Variants in SMOC2 observed in about 807,000 individuals in gnomAD.
SMOC2 encodes the protein SPARC-related modular calcium-binding protein 2.
Under a neutral mutation model 61.4 loss-of-function variants are expected in SMOC2, and 39 were observed. That is an observed-to-expected ratio of 0.64 (90% CI 0.49 to 0.83). The LOEUF is 0.83. Ranked by LOEUF, SMOC2 falls within the 40% of genes least tolerant of loss-of-function variation. The pLI, the probability that SMOC2 is intolerant of heterozygous loss-of-function variation, is 0.00. For missense variants in SMOC2, 556 were observed against 592.9 expected, an observed-to-expected ratio of 0.94 and a Z score of 0.65; for synonymous variants, 247 against 239.9, an observed-to-expected ratio of 1.03 and a Z score of -0.27.
intron 9 of SMOC2, among the ~76,000 whole-genome samples, chr6:168,648,466 C>T (rs1373242443): frequency 1.3e-5 from 2 of 152,240 alleles, no homozygotes; most frequent in Non-Finnish European, 2.9e-5. Context: ...AGCTGGGGAG[C>T]TCAGCCTTCT....
intron 7 of SMOC2, among the ~76,000 whole-genome samples, chr6:168,577,799 C>T (rs991300419): frequency 2.0e-5 from 3 of 152,196 alleles, no homozygotes; most frequent in African/African-American, 7.2e-5. Context: ...GAGACAGCAA[C>T]GCATGGGGCC....
chr6:168,513,403 C>T (rs1783054153), intron 2 of SMOC2, among the ~76,000 whole-genome samples: 1 of 151,096 alleles, frequency 6.6e-6, no homozygotes, highest in Admixed American at 6.6e-5. Flanking sequence ...AGTTTTAATT[C>T]CCGTGGTGAA....
At chr6:168,559,468 TAAAAATA>T (rs1171950278) in intron 7 of SMOC2, among the ~76,000 whole-genome samples, 6 of 138,072 alleles carry the variant, frequency 4.3e-5, no homozygotes, top group Non-Finnish European at 8.2e-5. Flanking sequence ...AAAATAAAAA[TAAAAATA>T]AAAATAAAAT....
intron 1 of SMOC2, among the ~76,000 whole-genome samples, chr6:168,500,464 G>A (rs957714446): frequency 2.0e-5 from 3 of 152,258 alleles, no homozygotes; most frequent in South Asian, 2.1e-4. Flanking sequence ...GCATTCACGC[G>A]TGGAACCTGA....
At chr6:168,485,134 T>C (rs997274192) in intron 1 of SMOC2, among the ~76,000 whole-genome samples, 1 of 152,064 alleles carries the variant, frequency 6.6e-6, no homozygotes, top group Non-Finnish European at 1.5e-5. Flanking sequence ...ATACAAATAA[T>C]TGAAAAAAAT....
intron 1 of SMOC2, among the ~76,000 whole-genome samples, chr6:168,467,156 C>CAT: frequency 1.4e-5 from 2 of 138,126 alleles, no homozygotes. Flanking sequence ...CACACACACA[C>CAT]ACACACACAC....
rs1787423215 is a variant in SMOC2 at position 168,659,522 on chromosome 6, TTGGGTG to T, written c.1286-4551_1286-4546del. Among the ~76,000 whole-genome samples, 57 of 83,670 alleles carry T rather than the reference TTGGGTG, an allele frequency of 6.8e-4. 3 individuals are homozygous for T. The highest frequency in any genetic ancestry group is 1.9e-3 in the African/African-American group (39 of 20,862). The allele number at this position is 83,670 out of a possible 152,430, so 54.9% of individuals were successfully genotyped here. ...TATTGGTGAGGGTGGAGGTTGTAGG[TTGGGTG>T]AGGATGGAGGTTGTTGGCTGGGTGA... is the stretch of plus-strand genomic sequence containing the variant. On this transcript the variant is annotated intron_variant, in intron 11 of 12. Coordinates refer to ENST00000356284, the MANE Select transcript of SMOC2 (RefSeq NM_001166412.2).
intron 1 of SMOC2, among the ~76,000 whole-genome samples, chr6:168,488,001 G>A (rs928618158): frequency 6.6e-6 from 1 of 151,592 alleles, no homozygotes; most frequent in Admixed American, 6.6e-5. Flanking sequence ...AATATTTGAG[G>A]AGGAGTATTT....
At position 168,564,231 on chromosome 6, in the gene SMOC2, C is replaced by T. The variant is rs147273966; in HGVS notation, c.637+15028C>T. Among the ~76,000 whole-genome samples the T allele has an allele frequency of 2.4e-3, 369 of 152,052 alleles. 1 individual carries two copies. Among genetic ancestry groups the T allele is most frequent in the African/African-American group, 8.6e-3 (355 of 41,458 alleles). On this transcript the variant is annotated intron_variant, in intron 7 of 12. Transcript: ENST00000356284. Reference sequence around the variant, plus strand: ...GTCCTTACCAGATTTATGATTCACACGTATTTTCTTCCACTCTGAGCCGTC... The same window carrying T: ...GTCCTTACCAGATTTATGATTCACATGTATTTTCTTCCACTCTGAGCCGTC...
At chr6:168,532,473 G>A (rs1783632127) in intron 4 of SMOC2, among the ~76,000 whole-genome samples, 1 of 152,042 alleles carries the variant, frequency 6.6e-6, no homozygotes, top group Non-Finnish European at 1.5e-5. Flanking sequence ...ACATTGCTGG[G>A]GGCAGGATTA....
intron 9 of SMOC2, among the ~76,000 whole-genome samples, chr6:168,628,670 A>C (rs1044350011): frequency 3.9e-5 from 6 of 152,226 alleles, no homozygotes; most frequent in African/African-American, 1.4e-4. Context: ...CCTATTCAAC[A>C]TGGATTCTGG....
chr6:168,653,380 AAAT>A lies in SMOC2; in HGVS notation c.1285+159_1285+161del, dbSNP rs1474863433. 5 of 941,458 alleles carry A rather than the reference AAAT, an allele frequency of 5.3e-6. No individual in the cohort carries two copies. In the South Asian group the frequency reaches 7.1e-5, roughly 13 times the overall value. The allele number at this position is 941,458 out of a possible 1,614,324, so 58.3% of individuals were successfully genotyped here. A position where few individuals can be genotyped will look rare whatever the true frequency, so the allele number is the denominator to read the frequency against. On this transcript the variant is annotated intron_variant, in intron 11 of 12. Coordinates refer to ENST00000356284, the MANE Select transcript of SMOC2 (RefSeq NM_001166412.2). The stretch of plus-strand genomic sequence containing the variant: ...TTAATTGTTGGGCGTCTGTTTGCAG[AAAT>A]AATAATGATAATTGGCGACTCATCA...
At chr6:168,511,747 G>C (rs1783013118) in intron 2 of SMOC2, among the ~76,000 whole-genome samples, 1 of 150,950 alleles carries the variant, frequency 6.6e-6, no homozygotes, top group Non-Finnish European at 1.5e-5. Flanking sequence ...GGATTTAAAG[G>C]CCAGACTCCT....
chr6:168,530,637 A>ACCCCCCCCCCCCCCCCCCCCCCCC (rs3064057), intron 4 of SMOC2, among the ~76,000 whole-genome samples: 2 of 120,190 alleles, frequency 1.7e-5, no homozygotes, highest in African/African-American at 8.2e-5. Flanking sequence ...TCACGGTGCA[A>ACCCCCCCCCCCCCCCCCCCCCCCC]CCCCCCCCCC....
intron 2 of SMOC2, among the ~76,000 whole-genome samples, chr6:168,514,506 A>G (rs114881130): frequency 6.6e-6 from 1 of 152,234 alleles, no homozygotes; most frequent in Non-Finnish European, 1.5e-5. Context: ...TGTCTGACCG[A>G]CGTGTGTGAG....
chr6:168,463,590 A>G (rs1463616326), intron 1 of SMOC2, among the ~76,000 whole-genome samples: 5 of 152,170 alleles, frequency 3.3e-5, no homozygotes, highest in Admixed American at 6.5e-5. Context: ...TGAGAAAATG[A>G]AGTGAGACCT....
At chr6:168,641,238 C>T (rs1292889108) in intron 9 of SMOC2, among the ~76,000 whole-genome samples, 1 of 152,108 alleles carries the variant, frequency 6.6e-6, no homozygotes, top group Non-Finnish European at 1.5e-5. Context: ...ATGCTCGCTC[C>T]TCCCCGGATG....
Position 168,656,944 on chromosome 6 carries a change from C to T in SMOC2, c.1285+3716C>T, listed in dbSNP as rs138587991. On this transcript the variant is annotated intron_variant, in intron 11 of 12. Coordinates refer to ENST00000356284, the MANE Select transcript of SMOC2 (RefSeq NM_001166412.2). ...CAGGAGGCTGCCCCCTGTGCTGGCC[C>T]GGCCATCCGATGAGGTCAGAGAGAA... is the stretch of plus-strand genomic sequence containing the variant. 1.9e-3 allele frequency among the ~76,000 whole-genome samples: 283 copies of T among 152,310 alleles called. 1 individual carries two copies. Among genetic ancestry groups the T allele is most frequent in the Non-Finnish European group, 3.0e-3 (204 of 68,036 alleles).
intron 11 of SMOC2, among the ~76,000 whole-genome samples, chr6:168,658,480 T>C (rs1053761108): frequency 6.6e-6 from 1 of 152,138 alleles, no homozygotes; most frequent in Non-Finnish European, 1.5e-5. Context: ...CTGTTAGCCG[T>C]TGTCAGGTGG....
Sources: gnomAD v4.1 joint callset for allele counts (sites outside exome capture counted in the v4.1 genomes callset) on GRCh38, gnomAD v4.1.1 for gene constraint, MANE v1.5 for transcripts, NCBI Gene and HGNC (gene_info 2026-07-23, HGNC 2026-07-21) for gene names.